CEP170: variants seen among roughly 807,000 people sequenced by gnomAD.
The protein encoded by CEP170 is centrosomal protein of 170 kDa.
In CEP170, 21 loss-of-function variants were observed where a neutral mutation model predicts 151.9. The ratio of observed to expected loss-of-function variants is 0.14; its 90% CI spans 0.10 to 0.20. The LOEUF (loss-of-function observed/expected upper bound fraction) is 0.20, where lower values mean the gene tolerates loss of function less well. CEP170 is among the 10% of genes least tolerant of loss of function. The probability of loss-of-function intolerance (pLI) is 1.00; values close to 1 mark genes in which losing one functional copy is unlikely to be tolerated. For synonymous variants in CEP170, 356 were observed against 648.8 expected (o/e 0.55, Z 6.86); for missense variants, 964 against 1,892.9 (o/e 0.51, Z 9.11).
At chr1:243,230,409 C>T (rs767638645) in intron 1 of CEP170, among the ~76,000 whole-genome samples, 7 of 152,006 alleles carry the variant, frequency 4.6e-5, no homozygotes, top group African/African-American at 7.2e-5. Context: ...GAAACTCTCC[C>T]GTTAAAGCCC....
At position 243,166,112 on chromosome 1, in the gene CEP170, T is replaced by C; in HGVS notation, c.1848A>G (p.Thr616=). ...CTGTCATGCCAGACTCACTGATCTCTGTCTCTATGAAATAAAAACCACAAA... is the reference window on the plus strand; with the variant it reads ...CTGTCATGCCAGACTCACTGATCTCCGTCTCTATGAAATAAAAACCACAAA... ...FSAPLPLENE[T]EISESGMTVR... Residue 616 remains threonine (T), a synonymous_variant, in exon 13 of 20, where the codon ACA becomes ACG. Coordinates refer to ENST00000366542, the MANE Select transcript of CEP170 (RefSeq NM_014812.3). 1 of 1,612,710 alleles carries C rather than the reference T, an allele frequency of 6.2e-7. No individual in the cohort carries two copies. Among genetic ancestry groups the C allele is most frequent in the South Asian group, 1.1e-5 (1 of 90,888 alleles).
In CEP170 at chr1:243,185,772, T is replaced by C; in HGVS notation, c.1566+7A>G. On this transcript the variant is annotated splice_region_variant and intron_variant, in intron 10 of 19. Coordinates refer to ENST00000366542, the MANE Select transcript of CEP170 (RefSeq NM_014812.3). This position sits in a 1 kb window ranked among gnomAD's most constrained non-coding sequence, Gnocchi z 4.9. Reference sequence around the variant, plus strand: ...ACTAAGATCACACTCAAATTTCAATTATTTACCTTGTCAATCATTTTTCTT... The same window carrying C: ...ACTAAGATCACACTCAAATTTCAATCATTTACCTTGTCAATCATTTTTCTT... 1 of 1,581,136 alleles carries C rather than the reference T, an allele frequency of 6.3e-7. No individual in the cohort carries two copies. Among genetic ancestry groups the C allele is most frequent in the Non-Finnish European group, 8.6e-7 (1 of 1,164,848 alleles).
chr1:243,253,952 G>A (rs2066214820), intron 1 of CEP170, among the ~76,000 whole-genome samples: 1 of 152,096 alleles, frequency 6.6e-6, no homozygotes. Flanking sequence ...CAGTTGTTTT[G>A]TTTGTTTTAC....
intron 10 of CEP170, among the ~76,000 whole-genome samples, chr1:243,179,636 A>G (rs1217766396): frequency 6.6e-6 from 1 of 152,230 alleles, no homozygotes; most frequent in African/African-American, 2.4e-5. Flanking sequence ...ATTAATCTAT[A>G]AATTCATTGA....
chr1:243,146,354 A>G (rs1340847318), intron 14 of CEP170, among the ~76,000 whole-genome samples: 1 of 152,204 alleles, frequency 6.6e-6, no homozygotes, highest in East Asian at 1.9e-4. Context: ...AGAAGAGATT[A>G]GCGACCCCTC....
chr1:243,157,783 G>A (rs1045933583), intron 13 of CEP170, among the ~76,000 whole-genome samples: 2 of 152,136 alleles, frequency 1.3e-5, no homozygotes, highest in Admixed American at 1.3e-4. Flanking sequence ...ACCAGAACTG[G>A]CTTAAGAAAC....
intron 1 of CEP170, among the ~76,000 whole-genome samples, chr1:243,252,588 CAG>C (rs1396097948): frequency 6.6e-6 from 1 of 151,912 alleles, no homozygotes; most frequent in Non-Finnish European, 1.5e-5. Flanking sequence ...CATTAATATG[CAG>C]AATGTATGCT....
At chr1:243,182,904 A>C (rs1478092858) in intron 10 of CEP170, among the ~76,000 whole-genome samples, 1 of 152,166 alleles carries the variant, frequency 6.6e-6, no homozygotes, top group African/African-American at 2.4e-5. Flanking sequence ...CAAATGAATA[A>C]ACAGTGAACT....
intron 13 of CEP170, among the ~76,000 whole-genome samples, chr1:243,157,187 T>C (rs1464449842): frequency 1.3e-5 from 2 of 152,168 alleles, no homozygotes; most frequent in Admixed American, 6.5e-5. Context: ...GTCACAACCA[T>C]TGACACTGAA....
chr1:243,171,348 A>G (rs1334002384), intron 11 of CEP170, among the ~76,000 whole-genome samples: 1 of 152,222 alleles, frequency 6.6e-6, no homozygotes, highest in Non-Finnish European at 1.5e-5. Context: ...TTTTAACATT[A>G]ATAAACAAAC....
intron 3 of CEP170, among the ~76,000 whole-genome samples, chr1:243,221,059 C>CT (rs1191790718): frequency 6.6e-6 from 1 of 152,084 alleles, no homozygotes; most frequent in Non-Finnish European, 1.5e-5. Flanking sequence ...CTTGCTTGTT[C>CT]TGTCGCCCAG....
intron 8 of CEP170, 132 bp downstream of exon 8, chr1:243,190,886 T>G: frequency 2.2e-6 from 3 of 1,386,630 alleles, no homozygotes; most frequent in Non-Finnish European, 2.9e-6. Flanking sequence ...TGTTTAGTTT[T>G]AAGACTAAAT....
intron 15 of CEP170, among the ~76,000 whole-genome samples, chr1:243,141,743 T>C (rs542826318): frequency 6.6e-6 from 1 of 152,376 alleles, no homozygotes; most frequent in East Asian, 1.9e-4. Context: ...TAATAGTCTA[T>C]ACATGGTAAC....
At chr1:243,251,016 T>G (rs1264843344) in intron 1 of CEP170, among the ~76,000 whole-genome samples, 1 of 152,214 alleles carries the variant, frequency 6.6e-6, no homozygotes, top group Non-Finnish European at 1.5e-5. Context: ...CATATGAAGT[T>G]GGAGGTGTCC....
At chr1:243,129,881 A>C (rs1227363205) in intron 17 of CEP170, among the ~76,000 whole-genome samples, 1 of 152,132 alleles carries the variant, frequency 6.6e-6, no homozygotes, top group Non-Finnish European at 1.5e-5. Flanking sequence ...AGAAAAAAAA[A>C]GACCACATTC....
rs148724183 is a variant in CEP170, at chr1:243,249,136, A to G, written c.-42+5904T>C. ...ATTTATATTTGCTTGAGGTGAAGAA[A>G]AATTCATGGCCAGGCGTGGTGGTTC... On this transcript the variant is annotated intron_variant, in intron 1 of 19. Transcript: ENST00000366542. 3.3e-3 allele frequency among the ~76,000 whole-genome samples: 503 copies of G among 152,260 alleles called. 1 individual carries two copies. Among genetic ancestry groups the G allele is most frequent in the African/African-American group, 0.012 (498 of 41,554 alleles).
intron 13 of CEP170, among the ~76,000 whole-genome samples, chr1:243,157,000 C>T (rs373528854): frequency 6.6e-6 from 1 of 151,894 alleles, no homozygotes. Flanking sequence ...GAAAAAAAAA[C>T]ATTACCTCTG....
chr1:243,212,688 TTCTC>T (rs143680660), intron 3 of CEP170, among the ~76,000 whole-genome samples: 39 of 149,906 alleles, frequency 2.6e-4, no homozygotes, highest in Admixed American at 1.9e-3. Context: ...ATTTTCTTTC[TTCTC>T]TCTCTCTCTC....
At chr1:243,206,531 G>A (rs1435706218) in intron 4 of CEP170, among the ~76,000 whole-genome samples, 1 of 152,184 alleles carries the variant, frequency 6.6e-6, no homozygotes, top group Non-Finnish European at 1.5e-5. Flanking sequence ...AAATGTTGAA[G>A]GAAGTCCATC....
Sources: allele counts gnomAD v4.1 joint callset (sites outside exome capture counted in the v4.1 genomes callset), GRCh38; gene constraint gnomAD v4.1.1; non-coding constraint Gnocchi (gnomAD v3.1); transcripts MANE v1.5; gene names NCBI Gene and HGNC (gene_info 2026-07-23, HGNC 2026-07-21).